The following ZFHX3 variants were observed in gnomAD, a reference collection of about 807,000 sequenced individuals.
ZFHX3 encodes zinc finger homeobox 3, also known as zinc finger homeobox protein 3.
In ZFHX3, 42 loss-of-function variants were observed where a neutral mutation model predicts 279.1. The ratio of observed to expected loss-of-function variants is 0.15; its 90% CI spans 0.12 to 0.19. ZFHX3 has a LOEUF of 0.19. ZFHX3 is among the 10% of genes least tolerant of loss of function. The pLI, the probability that ZFHX3 is intolerant of heterozygous loss-of-function variation, is 1.00. For synonymous variants in ZFHX3, 2,293 were observed against 1,957.8 expected (o/e 1.17, Z -4.52); for missense variants, 4,981 against 4,754.0 (o/e 1.05, Z -1.40).
intron 8 of ZFHX3, among the ~76,000 whole-genome samples, chr16:73,088,639 A>G (rs1344317532): frequency 6.6e-6 from 1 of 152,210 alleles, no homozygotes; most frequent in Non-Finnish European, 1.5e-5. Context: ...GGGATCAGGT[A>G]GGTACGGCAG....
upstream of ZFHX3, among the ~76,000 whole-genome samples, chr16:73,051,801 T>G (rs1397515648): frequency 2.1e-5 from 3 of 139,758 alleles, no homozygotes; most frequent in Non-Finnish European, 4.4e-5. Flanking sequence ...TAAAGAGCTC[T>G]CTCTCTCTTT....
intron 1 of ZFHX3, among the ~76,000 whole-genome samples, chr16:72,977,288 T>G (rs555037823): frequency 1.3e-5 from 2 of 152,228 alleles, no homozygotes; most frequent in East Asian, 1.9e-4. Flanking sequence ...ACGCAGCGTC[T>G]GGCCTCCCCA....
intron 4 of ZFHX3, chr16:73,318,152 G>C (rs1458311674): frequency 6.6e-6 from 1 of 152,086 alleles, no homozygotes; most frequent in African/African-American, 2.4e-5. Context: ...GTTTTGCTCG[G>C]GGAAATGGAG....
At chr16:73,035,866 T>C (rs1293678449) in intron 1 of ZFHX3, among the ~76,000 whole-genome samples, 1 of 152,240 alleles carries the variant, frequency 6.6e-6, no homozygotes, top group Non-Finnish European at 1.5e-5. Flanking sequence ...ATTGTGCCAC[T>C]GGATTCCAGC....
intron 1 of ZFHX3, among the ~76,000 whole-genome samples, chr16:73,784,361 G>A (rs1212914623): frequency 6.6e-6 from 1 of 151,968 alleles, no homozygotes; most frequent in Non-Finnish European, 1.5e-5. Flanking sequence ...CACCTAGAAA[G>A]CAATAGCAAT....
At chr16:72,906,557 G>A (rs1314715207) in intron 3 of ZFHX3, among the ~76,000 whole-genome samples, 3 of 152,132 alleles carry the variant, frequency 2.0e-5, no homozygotes, top group Non-Finnish European at 2.9e-5. Flanking sequence ...AGCACTATGG[G>A]AGGCCGAGGC....
chr16:72,805,328 G>T (rs2036230925), intron 7 of ZFHX3, among the ~76,000 whole-genome samples: 1 of 152,090 alleles, frequency 6.6e-6, no homozygotes, highest in South Asian at 2.1e-4. Flanking sequence ...GTTTCTCTGA[G>T]ACCCTTATTC....
intron 4 of ZFHX3, among the ~76,000 whole-genome samples, chr16:72,865,801 T>G (rs2038005115): frequency 6.6e-6 from 1 of 152,114 alleles, no homozygotes; most frequent in Non-Finnish European, 1.5e-5. Flanking sequence ...AAGCCCTCTG[T>G]GGGGCTGTGT....
At chr16:73,040,535 C>G (rs935939971) in intron 1 of ZFHX3, among the ~76,000 whole-genome samples, 13 of 147,612 alleles carry the variant, frequency 8.8e-5, no homozygotes, top group African/African-American at 2.9e-4. Context: ...GCCTGCCAGC[C>G]TGGGGAGGGG....
intron 3 of ZFHX3, among the ~76,000 whole-genome samples, chr16:73,362,940 T>G (rs1247927097): frequency 6.6e-6 from 1 of 152,236 alleles, no homozygotes; most frequent in East Asian, 1.9e-4. Flanking sequence ...CTAAAACATT[T>G]TTGGTAAAGG....
intron 3 of ZFHX3, among the ~76,000 whole-genome samples, chr16:73,371,292 G>T (rs141180958): frequency 4.7e-4 from 71 of 152,030 alleles, no homozygotes; most frequent in African/African-American, 1.6e-3. Flanking sequence ...GGGCAACAGA[G>T]CGAGACTCCA....
intron 3 of ZFHX3, among the ~76,000 whole-genome samples, chr16:73,336,981 G>T (rs1431525114): frequency 6.6e-6 from 1 of 152,014 alleles, no homozygotes; most frequent in East Asian, 1.9e-4. Flanking sequence ...GACCTACAAG[G>T]TTCCCTGGAC....
intron 2 of ZFHX3, among the ~76,000 whole-genome samples, chr16:73,536,439 A>G (rs192898768): frequency 5.4e-4 from 83 of 152,324 alleles, no homozygotes; most frequent in Non-Finnish European, 9.3e-4. Flanking sequence ...TAGACACATC[A>G]CTTTCATTAT....
chr16:73,495,967 C>T (rs919751793), intron 2 of ZFHX3, among the ~76,000 whole-genome samples: 1 of 152,110 alleles, frequency 6.6e-6, no homozygotes, highest in Non-Finnish European at 1.5e-5. Flanking sequence ...GCTGCAGAAA[C>T]GTAGAGCACG....
At chr16:73,666,969 C>G (rs8045811) in intron 2 of ZFHX3, among the ~76,000 whole-genome samples, 1,525 of 152,004 alleles carry the variant, frequency 0.01, 43 homozygotes, top group African/African-American at 0.033. Flanking sequence ...GAGTAATATT[C>G]CATTGTACAG....
At chr16:73,148,435 C>T (rs1363723662) in intron 5 of ZFHX3, among the ~76,000 whole-genome samples, 1 of 151,738 alleles carries the variant, frequency 6.6e-6, no homozygotes, top group Non-Finnish European at 1.5e-5. Flanking sequence ...TTCCATGCAG[C>T]AATTTGAAAA....
At chr16:73,325,717 C>A (rs1291724631) in intron 3 of ZFHX3, among the ~76,000 whole-genome samples, 1 of 151,964 alleles carries the variant, frequency 6.6e-6, no homozygotes, top group Non-Finnish European at 1.5e-5. Context: ...ATGGGCTAAG[C>A]CTTTTCACCT....
chr16:73,052,514 A>G (rs560143821), upstream of ZFHX3, among the ~76,000 whole-genome samples: 41 of 152,192 alleles, frequency 2.7e-4, no homozygotes, highest in African/African-American at 8.2e-4. Context: ...GGGTTCAAAA[A>G]TCTGTGCTAA....
chr16:73,577,126 C>A (rs1432558781), intron 2 of ZFHX3, among the ~76,000 whole-genome samples: 1 of 152,060 alleles, frequency 6.6e-6, no homozygotes, highest in African/African-American at 2.4e-5. Context: ...CAGGTCTCTA[C>A]CAGCAAAAAC....
Sources: allele counts gnomAD v4.1 joint callset (sites outside exome capture counted in the v4.1 genomes callset), GRCh38; gene constraint gnomAD v4.1.1; transcripts MANE v1.5; gene names NCBI Gene and HGNC (gene_info 2026-07-23, HGNC 2026-07-21).